Variants in TOP1 observed in about 807,000 individuals in gnomAD.
TOP1 encodes DNA topoisomerase I, also known as DNA topoisomerase 1.
TOP1 carries 10 observed loss-of-function variants against 111.1 expected under a neutral mutation model. The ratio of observed to expected loss-of-function variants is 0.09; its 90% confidence interval spans 0.06 to 0.15. The LOEUF (loss-of-function observed/expected upper bound fraction) is 0.15. Among genes scored for constraint, TOP1 ranks in the 10% least tolerant of loss-of-function variants. The probability of loss-of-function intolerance (pLI) is 1.00; values close to 1 mark genes in which losing one functional copy is unlikely to be tolerated. For synonymous variants in TOP1, 271 were observed against 302.9 expected, an observed-to-expected ratio of 0.89 and a Z score of 1.10; for missense variants, 474 against 926.7, an observed-to-expected ratio of 0.51 and a Z score of 6.34.
intron 2 of TOP1, among the ~76,000 whole-genome samples, chr20:41,044,303 G>T (rs1024802981): frequency 2.6e-5 from 4 of 152,150 alleles, no homozygotes; most frequent in African/African-American, 9.7e-5. Context: ...AAATGCAATT[G>T]CCCATCTTAA....
chr20:41,084,945 C>T (rs191510379), intron 8 of TOP1, among the ~76,000 whole-genome samples: 7 of 152,082 alleles, frequency 4.6e-5, no homozygotes, highest in Admixed American at 3.9e-4. Context: ...AACAAGAAAA[C>T]GTGGGTGAAT....
rs2145950119 is a variant in TOP1 at position 41,098,406 on chromosome 20, G to A, written c.975+69G>A. 1.3e-6 allele frequency: 2 copies of A among 1,519,754 alleles called. No individual in the cohort carries two copies. Among genetic ancestry groups the A allele is most frequent in the Non-Finnish European group, 1.8e-6 (2 of 1,109,824 alleles). 94.1% of individuals were successfully genotyped at this position (1,519,754 alleles called of 1,614,324 possible). A position where few individuals can be genotyped will look rare whatever the true frequency, so the allele number is the denominator to read the frequency against. On this transcript the variant is annotated intron_variant, in intron 11 of 20. Transcript: ENST00000361337. This position sits in a 1 kb window ranked among gnomAD's most constrained non-coding sequence, Gnocchi z 5.7. The stretch of plus-strand genomic sequence containing the variant: ...GATTGGTTCATTTAACTTTCTTCTT[G>A]GTTCTTATGACACAACATTAACATC...
At position 41,102,871 on chromosome 20, in the gene TOP1, T is replaced by C. The variant is rs2034085690; in HGVS notation, c.1308+1518T>C. ...AGAAGAAAGATAAAAGTAAAATGCA[T>C]TAGATAAACAGAGGAGTTATTTGCA... On this transcript the variant is annotated intron_variant, in intron 13 of 20. Transcript: ENST00000361337. The surrounding 1 kb of genome is among the most constrained non-coding windows in gnomAD (Gnocchi z 4.0). Among the ~76,000 whole-genome samples the C allele has an allele frequency of 6.6e-6, 1 of 152,114 alleles. No individual in the cohort carries two copies. Among genetic ancestry groups the C allele is most frequent in the East Asian group, 1.9e-4 (1 of 5,188 alleles).
intron 13 of TOP1, among the ~76,000 whole-genome samples, chr20:41,105,508 G>A (rs1039267319): frequency 3.8e-4 from 57 of 151,900 alleles, no homozygotes; most frequent in African/African-American, 1.2e-3. Context: ...TTTGTTGTTG[G>A]TCATTTGAGA....
In TOP1 at chr20:41,123,120, A is replaced by G; in HGVS notation, c.2196-75A>G. 1 of 953,636 alleles carries G rather than the reference A, an allele frequency of 1.0e-6. No individual in the cohort carries two copies. Among genetic ancestry groups the G allele is most frequent in the Non-Finnish European group, 1.7e-6 (1 of 594,550 alleles). The allele number at this position is 953,636 out of a possible 1,614,324, so 59.1% of individuals were successfully genotyped here. On this transcript the variant is annotated intron_variant, in intron 20 of 20. Coordinates refer to ENST00000361337, the MANE Select transcript of TOP1 (RefSeq NM_003286.4). This position sits in a 1 kb window ranked among gnomAD's most constrained non-coding sequence, Gnocchi z 5.8. Reference sequence around the variant, plus strand: ...ACAGATGTGAAAGAGAAGATGGAACATCTGACCCTGGGCCTCAGATATGGG... The same window carrying G: ...ACAGATGTGAAAGAGAAGATGGAACGTCTGACCCTGGGCCTCAGATATGGG...
chr20:41,095,648 C>G lies in TOP1; in HGVS notation c.731-1572C>G, dbSNP rs1427481298. On this transcript the variant is annotated intron_variant, in intron 9 of 20. Transcript: ENST00000361337. The surrounding 1 kb of genome is among the most constrained non-coding windows in gnomAD (Gnocchi z 4.6). ...TATTGTGCTACAGTTCTCTACACCC[C>G]TGCAAAGTCAGATTGCATATCATTA... Among the ~76,000 whole-genome samples, 3 of 152,198 alleles carry G rather than the reference C, an allele frequency of 2.0e-5. No individual in the cohort carries two copies. The highest frequency in any genetic ancestry group is 4.4e-5 in the Non-Finnish European group (3 of 68,036).
chr20:41,073,457 A>G (rs2033690872), intron 3 of TOP1: 2 of 985,378 alleles, frequency 2.0e-6, no homozygotes, highest in Non-Finnish European at 2.4e-6. Context: ...GTATCCAAAC[A>G]TCTTTATTCT....
intron 2 of TOP1, among the ~76,000 whole-genome samples, chr20:41,035,645 T>C (rs2033176196): frequency 6.6e-6 from 1 of 152,186 alleles, no homozygotes; most frequent in Admixed American, 6.5e-5. Context: ...ATATTGTTTT[T>C]CTTAGCACAC....
chr20:41,066,119 A>C (rs1234211458), intron 3 of TOP1, among the ~76,000 whole-genome samples: 4 of 152,230 alleles, frequency 2.6e-5, no homozygotes, highest in Admixed American at 2.6e-4. Context: ...TAATATTTAA[A>C]ACATAAGCTT....
chr20:41,044,207 C>T (rs1371849072), intron 2 of TOP1, among the ~76,000 whole-genome samples: 5 of 152,042 alleles, frequency 3.3e-5, no homozygotes, highest in African/African-American at 1.2e-4. Flanking sequence ...ACCCTGGAGG[C>T]GGAGGTTGCA....
Position 41,116,318 on chromosome 20 carries a change from G to A in TOP1, c.1748G>A (p.Gly583Asp), listed in dbSNP as rs267607132. 2 of 1,613,182 alleles carry A rather than the reference G, an allele frequency of 1.2e-6. No homozygotes were observed. Among genetic ancestry groups the A allele is most frequent in the Non-Finnish European group, 1.7e-6 (2 of 1,180,004 alleles). ...AAGCATCTTCAGGATCTCATGGAGG[G>A]CTTGACAGCCAAGGTATTCCGTACA... ...LNKHLQDLMEGLTAKVFRTYN... is the reference protein window; with the variant it reads ...LNKHLQDLMEDLTAKVFRTYN... The change falls in exon 17 of 21, where the codon GGC becomes GAC. Residue 583 changes from glycine to aspartate, a missense_variant. Gly to Asp is a moderately conservative substitution (Grantham distance 94, BLOSUM62 -1). Coordinates refer to ENST00000361337, the MANE Select transcript of TOP1 (RefSeq NM_003286.4). The surrounding 1 kb of genome is among the most constrained non-coding windows in gnomAD (Gnocchi z 5.6).
intron 2 of TOP1, among the ~76,000 whole-genome samples, chr20:41,055,984 A>G (rs2033465533): frequency 6.6e-6 from 1 of 152,230 alleles, no homozygotes; most frequent in Admixed American, 6.5e-5. Context: ...TTTCAAGCAT[A>G]CACATAGAGA....
Position 41,113,000 on chromosome 20 carries a change from G to A in TOP1, c.1452+75G>A, listed in dbSNP as rs900128912. On this transcript the variant is annotated intron_variant, in intron 14 of 20. Transcript: ENST00000361337. The surrounding 1 kb of genome is among the most constrained non-coding windows in gnomAD (Gnocchi z 5.8). ...GAGTTTCTGCTCTGCCCCAGGCCCT[G>A]TGCCACATACTGTATATCACAACTC... 1.3e-6 allele frequency: 2 copies of A among 1,482,926 alleles called. No homozygotes were observed. The highest frequency in any genetic ancestry group is 2.5e-5 in the South Asian group (2 of 79,004). 91.9% of individuals were successfully genotyped at this position (1,482,926 alleles called of 1,614,324 possible).
Position 41,094,557 on chromosome 20 carries a change from T to C in TOP1, c.730+1970T>C, listed in dbSNP as rs911646697. Among the ~76,000 whole-genome samples, 1 of 152,208 alleles carries C rather than the reference T, an allele frequency of 6.6e-6. No individual in the cohort carries two copies. Among genetic ancestry groups the C allele is most frequent in the African/African-American group, 2.4e-5 (1 of 41,458 alleles). ...AGGTTGCCATAGTCCTTTCCTCCCA[T>C]TCTTGCCCAGTCCTCCTTTACAGGA... On this transcript the variant is annotated intron_variant, in intron 9 of 20. Transcript: ENST00000361337. The surrounding 1 kb of genome is among the most constrained non-coding windows in gnomAD (Gnocchi z 4.4).
At position 41,055,672 on chromosome 20, in the gene TOP1, T is replaced by G. The variant is rs1374152960; in HGVS notation, c.59-5722T>G. On this transcript the variant is annotated intron_variant, in intron 2 of 20. Coordinates refer to ENST00000361337, the MANE Select transcript of TOP1 (RefSeq NM_003286.4). ...GGACGTAAAGACTTTCTCTGACTCT[T>G]TATTACACTGCATTTATTACACATA... Among the ~76,000 whole-genome samples, 4 of 152,346 alleles carry G rather than the reference T, an allele frequency of 2.6e-5. No homozygotes were observed. The East Asian group carries it at 7.7e-4, about 29-fold the overall frequency.
At position 41,079,339 on chromosome 20, in the gene TOP1, A is replaced by G. The variant is rs527658225; in HGVS notation, c.336-746A>G. 3.3e-5 allele frequency among the ~76,000 whole-genome samples: 5 copies of G among 152,234 alleles called. No individual in the cohort carries two copies. Among genetic ancestry groups the G allele is most frequent in the African/African-American group, 7.2e-5 (3 of 41,534 alleles). Reference sequence around the variant, plus strand: ...ATGGCTGCAGTGATTGCTGGGCTCTATGGTGTTTTTTACTTGTTCCTTCTC... The same window carrying G: ...ATGGCTGCAGTGATTGCTGGGCTCTGTGGTGTTTTTTACTTGTTCCTTCTC... On this transcript the variant is annotated intron_variant, in intron 5 of 20. Transcript: ENST00000361337. The surrounding 1 kb of genome is among the most constrained non-coding windows in gnomAD (Gnocchi z 4.0).
At position 41,084,586 on chromosome 20, in the gene TOP1, G is replaced by T; in HGVS notation, c.614+18G>T. On this transcript the variant is annotated intron_variant, in intron 8 of 20. Transcript: ENST00000361337. ...TGGAAATGGTAACATCTCAGCACTG[G>T]GTTAAAATGCCACCTTTTTTATTGC... The T allele has an allele frequency of 7.0e-7, 1 of 1,428,860 alleles. No individual in the cohort carries two copies. Among genetic ancestry groups the T allele is most frequent in the Admixed American group, 2.5e-5 (1 of 40,768 alleles). The allele number at this position is 1,428,860 out of a possible 1,614,324, so 88.5% of individuals were successfully genotyped here.
At position 41,110,700 on chromosome 20, in the gene TOP1, T is replaced by C. The variant is rs1054146572; in HGVS notation, c.1309-2082T>C. On this transcript the variant is annotated intron_variant, in intron 13 of 20. Transcript: ENST00000361337. This position sits in a 1 kb window ranked among gnomAD's most constrained non-coding sequence, Gnocchi z 4.2. ...ATTTTTACCCATTACTGAAGTGTGATTGAATTAGGGAAAGAGGAGAGGTGG... is the reference window on the plus strand; with the variant it reads ...ATTTTTACCCATTACTGAAGTGTGACTGAATTAGGGAAAGAGGAGAGGTGG... Among the ~76,000 whole-genome samples, 5 of 152,206 alleles carry C rather than the reference T, an allele frequency of 3.3e-5. No homozygotes were observed. The East Asian group carries it at 9.6e-4, about 29-fold the overall frequency.
In TOP1 at chr20:41,095,169, A is replaced by G. The variant is rs1271595246; in HGVS notation, c.731-2051A>G. Among the ~76,000 whole-genome samples the G allele has an allele frequency of 2.0e-5, 3 of 152,178 alleles. No homozygotes were observed. The highest frequency in any genetic ancestry group is 1.3e-4 in the Admixed American group (2 of 15,274). ...AAGGTTCAAACGATTCTCATGCCTC[A>G]GCCTCCCAAGTAGCTGAAATTAACA... On this transcript the variant is annotated intron_variant, in intron 9 of 20. Transcript: ENST00000361337. The surrounding 1 kb of genome is among the most constrained non-coding windows in gnomAD (Gnocchi z 4.6).
Sources: allele counts gnomAD v4.1 joint callset (sites outside exome capture counted in the v4.1 genomes callset), GRCh38; gene constraint gnomAD v4.1.1; non-coding constraint Gnocchi (gnomAD v3.1); transcripts MANE v1.5; gene names NCBI Gene and HGNC (gene_info 2026-07-23, HGNC 2026-07-21).